Variants in DNM3 observed in about 807,000 individuals in gnomAD.
The protein encoded by DNM3 is dynamin-3.
DNM3 carries 47 observed loss-of-function variants against 101.6 expected under a neutral mutation model. That is an observed-to-expected ratio of 0.46 (90% confidence interval 0.37 to 0.59). The LOEUF (loss-of-function observed/expected upper bound fraction) is 0.59, where lower values mean the gene tolerates loss of function less well. DNM3 is among the 20% of genes least tolerant of loss of function. DNM3 has a pLI of 0.00. For synonymous variants in DNM3, 385 were observed against 387.9 expected, an observed-to-expected ratio of 0.99 and a Z score of 0.09; for missense variants, 849 against 1,085.7, an observed-to-expected ratio of 0.78 and a Z score of 3.06.
At chr1:171,853,722 T>A (rs1485701950) in intron 1 of DNM3, among the ~76,000 whole-genome samples, 1 of 152,214 alleles carries the variant, frequency 6.6e-6, no homozygotes, top group Non-Finnish European at 1.5e-5. Context: ...GCATGTGGGA[T>A]AACTCTGACA....
intron 2 of DNM3, among the ~76,000 whole-genome samples, chr1:171,934,693 G>A (rs12084926): frequency 0.65 from 98,205 of 151,940 alleles, 31,909 homozygotes; most frequent in Middle Eastern, 0.69. Flanking sequence ...ACCTGGGTCC[G>A]GAGGTGTGGG....
intron 1 of DNM3, among the ~76,000 whole-genome samples, chr1:171,917,203 A>G (rs2039782533): frequency 6.6e-6 from 1 of 152,200 alleles, no homozygotes; most frequent in Non-Finnish European, 1.5e-5. Context: ...ACATTTATTT[A>G]CTGTACAGAT....
intron 13 of DNM3, among the ~76,000 whole-genome samples, chr1:172,105,446 C>T (rs2054943339): frequency 6.6e-6 from 1 of 152,190 alleles, no homozygotes; most frequent in Non-Finnish European, 1.5e-5. Context: ...ACCTAGAGTC[C>T]ATATCTGGGT....
intron 2 of DNM3, among the ~76,000 whole-genome samples, chr1:171,943,499 C>T (rs2041954742): frequency 6.6e-6 from 1 of 152,168 alleles, no homozygotes; most frequent in African/African-American, 2.4e-5. Flanking sequence ...ATGATAAAAC[C>T]TTGGTCTCCA....
intron 1 of DNM3, among the ~76,000 whole-genome samples, chr1:171,881,308 G>A (rs1219341882): frequency 1.3e-5 from 2 of 152,080 alleles, no homozygotes; most frequent in Non-Finnish European, 2.9e-5. Context: ...TTGTGATTAT[G>A]TTATTTAGTA....
At chr1:172,400,065 G>A (rs1446358225) in intron 20 of DNM3, 1 of 152,178 alleles carries the variant, frequency 6.6e-6, no homozygotes, top group African/African-American at 2.4e-5. Context: ...TCTTCCCAAA[G>A]CAGAAATGAA....
chr1:171,936,253 G>T (rs1028131116), intron 2 of DNM3, among the ~76,000 whole-genome samples: 1 of 151,972 alleles, frequency 6.6e-6, no homozygotes, highest in Non-Finnish European at 1.5e-5. Context: ...GCTGAGGCAG[G>T]AGACTCACTT....
At chr1:171,999,241 A>G (rs550727659) in intron 4 of DNM3, among the ~76,000 whole-genome samples, 1 of 152,160 alleles carries the variant, frequency 6.6e-6, no homozygotes, top group Admixed American at 6.6e-5. Context: ...TGAGGGAAGA[A>G]GTTGTCTGAT....
chr1:172,340,542 G>A (rs1362630679), intron 17 of DNM3, among the ~76,000 whole-genome samples: 1 of 152,078 alleles, frequency 6.6e-6, no homozygotes, highest in African/African-American at 2.4e-5. Flanking sequence ...CAAACATGGT[G>A]CATTCACTAT....
chr1:172,349,632 C>A (rs1043528864), intron 17 of DNM3, among the ~76,000 whole-genome samples: 1 of 152,070 alleles, frequency 6.6e-6, no homozygotes, highest in African/African-American at 2.4e-5. Context: ...GTGAATATAG[C>A]AATACATGAT....
At chr1:172,311,864 G>T (rs986188312) in intron 16 of DNM3, among the ~76,000 whole-genome samples, 1 of 152,100 alleles carries the variant, frequency 6.6e-6, no homozygotes, top group African/African-American at 2.4e-5. Flanking sequence ...CAAGACAAAC[G>T]AATTTTTAGT....
chr1:172,261,617 G>A (rs930595763), intron 15 of DNM3, among the ~76,000 whole-genome samples: 1 of 152,212 alleles, frequency 6.6e-6, no homozygotes, highest in East Asian at 1.9e-4. Flanking sequence ...AAGTGAACAG[G>A]TTCTTAAGCC....
At chr1:171,938,729 A>G (rs1030244241) in intron 2 of DNM3, among the ~76,000 whole-genome samples, 70 of 152,314 alleles carry the variant, frequency 4.6e-4, no homozygotes, top group African/African-American at 1.5e-3. Context: ...ACATATATTA[A>G]GGTCGGACTT....
At chr1:171,847,906 G>C (rs993592237) in intron 1 of DNM3, among the ~76,000 whole-genome samples, 7 of 151,384 alleles carry the variant, frequency 4.6e-5, no homozygotes, top group African/African-American at 1.7e-4. Flanking sequence ...CTGTGTGTGT[G>C]TGTGTGTGTG....
intron 10 of DNM3, among the ~76,000 whole-genome samples, chr1:172,056,088 A>T (rs1011043969): frequency 3.3e-5 from 5 of 152,196 alleles, no homozygotes; most frequent in African/African-American, 1.2e-4. Context: ...GACGGACGGC[A>T]CCTGGAAAAT....
At chr1:172,061,635 G>C (rs1236518280) in intron 10 of DNM3, among the ~76,000 whole-genome samples, 3 of 148,644 alleles carry the variant, frequency 2.0e-5, no homozygotes, top group African/African-American at 2.5e-5. Flanking sequence ...ACTCATAGGT[G>C]GGAATTGAAC....
chr1:172,359,640 A>C (rs1284996068), intron 17 of DNM3, among the ~76,000 whole-genome samples: 1 of 151,432 alleles, frequency 6.6e-6, no homozygotes, highest in East Asian at 1.9e-4. Context: ...AAAAAAAAAA[A>C]CCTTAAGTAG....
At chr1:171,855,223 G>A (rs973374009) in intron 1 of DNM3, among the ~76,000 whole-genome samples, 3 of 152,106 alleles carry the variant, frequency 2.0e-5, no homozygotes, top group Non-Finnish European at 4.4e-5. Context: ...TTCCTTCAAG[G>A]CTGCATAGTA....
intron 14 of DNM3, among the ~76,000 whole-genome samples, chr1:172,163,242 T>TG (rs2058611258): frequency 8.8e-6 from 1 of 114,080 alleles, no homozygotes; most frequent in Non-Finnish European, 1.9e-5. Context: ...ATTCTTTTTT[T>TG]GTTTTTTTTT....
Sources: allele counts gnomAD v4.1 joint callset (sites outside exome capture counted in the v4.1 genomes callset), GRCh38; gene constraint gnomAD v4.1.1; transcripts MANE v1.5; gene names NCBI Gene and HGNC (gene_info 2026-07-23, HGNC 2026-07-21).